The following CSTPP1 variants were observed in gnomAD, a reference collection of about 807,000 sequenced individuals.
The protein encoded by CSTPP1 is centriolar satellite-associated tubulin polyglutamylase complex regulator 1, also known as UPF0705 protein C11orf49.
chr11:47,053,857 T>C, the CSTPP1 span, among the ~76,000 whole-genome samples: 3 of 151,974 alleles, frequency 2.0e-5, no homozygotes, highest in South Asian at 6.2e-4. Flanking sequence ...GGTGGGAGGA[T>C]CACTTGAGCT....
chr11:47,129,997 G>A, the CSTPP1 span, among the ~76,000 whole-genome samples: 14 of 152,112 alleles, frequency 9.2e-5, no homozygotes, highest in African/African-American at 2.2e-4. Flanking sequence ...GGTGGCTCAC[G>A]CCTATAATCC....
the CSTPP1 span, among the ~76,000 whole-genome samples, chr11:46,983,039 T>TGGCTC: frequency 6.6e-6 from 1 of 152,340 alleles, no homozygotes; most frequent in Admixed American, 6.5e-5. Context: ...CCCATATTCT[T>TGGCTC]AACCATTGCA....
chr11:46,958,629 A>G, the CSTPP1 span, among the ~76,000 whole-genome samples: 1 of 152,286 alleles, frequency 6.6e-6, no homozygotes, highest in Non-Finnish European at 1.5e-5. Flanking sequence ...TTAAAGGGTC[A>G]GCTGTATAGA....
chr11:47,022,396 G>A, the CSTPP1 span, among the ~76,000 whole-genome samples: 1 of 98,536 alleles, frequency 1.0e-5, no homozygotes, highest in African/African-American at 4.1e-5. Context: ...TGGAGACAGA[G>A]TCTTGCCCTG....
At chr11:47,037,080 A>G in the CSTPP1 span, among the ~76,000 whole-genome samples, 12 of 127,416 alleles carry the variant, frequency 9.4e-5, 1 homozygote, top group African/African-American at 2.5e-4. Flanking sequence ...TATTCTATCA[A>G]AAAAGGAAGG....
chr11:47,133,724 A>G, the CSTPP1 span, among the ~76,000 whole-genome samples: 81 of 152,358 alleles, frequency 5.3e-4, 1 homozygote, highest in South Asian at 0.016. Context: ...CAAGCTCTTA[A>G]GCCTCACACA....
At chr11:46,996,493 G>A in the CSTPP1 span, among the ~76,000 whole-genome samples, 12 of 151,772 alleles carry the variant, frequency 7.9e-5, no homozygotes, top group Non-Finnish European at 1.2e-4. Context: ...TAGTAGAGAC[G>A]GGGTTTCACC....
the CSTPP1 span, among the ~76,000 whole-genome samples, chr11:46,960,970 A>G: frequency 3.7e-4 from 57 of 152,208 alleles, no homozygotes; most frequent in African/African-American, 1.4e-3. Flanking sequence ...TTATTCATTC[A>G]TCACTTGATG....
chr11:47,119,417 A>G, the CSTPP1 span, among the ~76,000 whole-genome samples: 1 of 152,044 alleles, frequency 6.6e-6, no homozygotes, highest in Non-Finnish European at 1.5e-5. Context: ...TTCCTGGGTG[A>G]GGCGACGCCC....
chr11:46,966,754 A>T, the CSTPP1 span, among the ~76,000 whole-genome samples: 1 of 152,358 alleles, frequency 6.6e-6, no homozygotes, highest in African/African-American at 2.4e-5. Flanking sequence ...GCATGTACTT[A>T]TGGGGCAAGG....
the CSTPP1 span, among the ~76,000 whole-genome samples, chr11:47,111,315 A>G: frequency 6.6e-6 from 1 of 152,124 alleles, no homozygotes; most frequent in African/African-American, 2.4e-5. Context: ...CTCCACCAGG[A>G]AAGGGAATGG....
At chr11:46,960,515 A>T in the CSTPP1 span, among the ~76,000 whole-genome samples, 1 of 152,328 alleles carries the variant, frequency 6.6e-6, no homozygotes, top group East Asian at 1.9e-4. Flanking sequence ...TTATTATACA[A>T]TATGGGGTTT....
the CSTPP1 span, among the ~76,000 whole-genome samples, chr11:47,093,134 C>T: frequency 1.3e-5 from 2 of 152,100 alleles, no homozygotes; most frequent in African/African-American, 2.4e-5. Context: ...TACACATATA[C>T]GTGTTTCAGG....
the CSTPP1 span, among the ~76,000 whole-genome samples, chr11:47,104,344 T>C: frequency 6.6e-6 from 1 of 152,194 alleles, no homozygotes; most frequent in Non-Finnish European, 1.5e-5. Flanking sequence ...TCTTAGTTCC[T>C]CAGTTCCCCG....
the CSTPP1 span, among the ~76,000 whole-genome samples, chr11:47,140,041 C>T: frequency 6.6e-6 from 1 of 152,196 alleles, no homozygotes; most frequent in South Asian, 2.1e-4. Context: ...AACTCCATTG[C>T]TCCCAGTGAC....
chr11:46,941,462 C>T, the CSTPP1 span, among the ~76,000 whole-genome samples: 1 of 152,194 alleles, frequency 6.6e-6, no homozygotes, highest in Admixed American at 6.5e-5. Context: ...GTCTCAGCCT[C>T]CCAAGTAGCT....
At chr11:47,028,167 C>T in the CSTPP1 span, among the ~76,000 whole-genome samples, 3 of 152,302 alleles carry the variant, frequency 2.0e-5, no homozygotes, top group Non-Finnish European at 4.4e-5. Flanking sequence ...TTGTGATCCG[C>T]CCGCCTCGGC....
chr11:47,151,240 C>T, the CSTPP1 span, among the ~76,000 whole-genome samples: 1 of 151,976 alleles, frequency 6.6e-6, no homozygotes. Flanking sequence ...GGTGAAACCC[C>T]GTCTCTACTA....
chr11:47,105,438 CCACGG>C, the CSTPP1 span, among the ~76,000 whole-genome samples: 1 of 152,024 alleles, frequency 6.6e-6, no homozygotes, highest in Non-Finnish European at 1.5e-5. Flanking sequence ...GAGTTTGAGG[CCACGG>C]TGAGCCATGA....
Sources: gnomAD v4.1 joint callset for allele counts (sites outside exome capture counted in the v4.1 genomes callset) on GRCh38, gnomAD v4.1.1 for gene constraint, MANE v1.5 for transcripts, NCBI Gene and HGNC (gene_info 2026-07-23, HGNC 2026-07-21) for gene names.